The following SIPA1L1 variants were observed in gnomAD, a reference collection of about 807,000 sequenced individuals.
The protein encoded by SIPA1L1 is signal-induced proliferation-associated 1-like protein 1.
A neutral mutation model predicts 162.7 loss-of-function variants in SIPA1L1; 26 were observed. That is an observed-to-expected ratio of 0.16 (90% CI 0.12 to 0.22). SIPA1L1 has a LOEUF of 0.22. SIPA1L1 is among the 10% of genes least tolerant of loss of function. The pLI, the probability that SIPA1L1 is intolerant of heterozygous loss-of-function variation, is 1.00. For synonymous variants in SIPA1L1, 829 were observed against 837.4 expected (o/e 0.99, Z 0.17); for missense variants, 1,874 against 2,241.0 (o/e 0.84, Z 3.31).
intron 13 of SIPA1L1, among the ~76,000 whole-genome samples, chr14:71,688,364 A>G (rs2149608547): frequency 6.6e-6 from 1 of 152,286 alleles, no homozygotes; most frequent in Non-Finnish European, 1.5e-5. Flanking sequence ...AATCCAAAAC[A>G]TTTCTGGTCC....
chr14:71,359,007 G>A (rs1424848836), intron 2 of SIPA1L1, among the ~76,000 whole-genome samples: 1 of 152,114 alleles, frequency 6.6e-6, no homozygotes, highest in Non-Finnish European at 1.5e-5. Context: ...TTTGGGTGGG[G>A]ACACAGATCT....
chr14:71,529,483 C>G, intron 4 of SIPA1L1, 113 bp downstream of exon 4: 2 of 515,996 alleles, frequency 3.9e-6, no homozygotes, highest in Non-Finnish European at 7.0e-6. Context: ...TTTAAAAAAT[C>G]TACTTTTCTC....
intron 2 of SIPA1L1, among the ~76,000 whole-genome samples, chr14:71,406,671 T>C (rs1458726778): frequency 6.6e-6 from 1 of 152,240 alleles, no homozygotes; most frequent in Non-Finnish European, 1.5e-5. Context: ...TTCTTCAGTA[T>C]GTTTCAGGAT....
chr14:71,530,233 G>T (rs2053295107), intron 4 of SIPA1L1, among the ~76,000 whole-genome samples: 1 of 152,198 alleles, frequency 6.6e-6, no homozygotes, highest in African/African-American at 2.4e-5. Context: ...TAAACTGGCA[G>T]AGTGTGTTGG....
At chr14:71,396,519 AGTTC>A (rs1450676273) in intron 2 of SIPA1L1, among the ~76,000 whole-genome samples, 4 of 152,104 alleles carry the variant, frequency 2.6e-5, no homozygotes, top group African/African-American at 9.7e-5. Flanking sequence ...GTTTTTTCTC[AGTTC>A]AAGATCAGTC....
chr14:71,325,216 G>T (rs2033652346), intron 2 of SIPA1L1, among the ~76,000 whole-genome samples: 2 of 152,066 alleles, frequency 1.3e-5, no homozygotes. Context: ...GAAATCAATT[G>T]GCCTCATTGA....
intron 4 of SIPA1L1, among the ~76,000 whole-genome samples, chr14:71,547,435 A>G (rs1223395340): frequency 6.6e-6 from 1 of 151,460 alleles, no homozygotes; most frequent in African/African-American, 2.4e-5. Context: ...CTGGGATTAC[A>G]AGTGTGCACC....
chr14:71,430,061 T>G (rs528510374), intron 2 of SIPA1L1, among the ~76,000 whole-genome samples: 8 of 152,342 alleles, frequency 5.3e-5, no homozygotes, highest in African/African-American at 1.9e-4. Flanking sequence ...TAACTGCTAA[T>G]CTGTGTTCTA....
chr14:71,697,621 T>C lies in SIPA1L1; in HGVS notation c.3375-1360T>C, dbSNP rs191105749. On this transcript the variant is annotated intron_variant, in intron 13 of 23. Coordinates refer to ENST00000381232, the MANE Select transcript of SIPA1L1 (RefSeq NM_001386936.1). The stretch of plus-strand genomic sequence containing the variant: ...GCTGGTGAAAGGTGTCCAGTCAAGA[T>C]GTTTAGGAGAGAGCCGGAGACAAAC... Among the ~76,000 whole-genome samples, 67 of 152,350 alleles carry C rather than the reference T, an allele frequency of 4.4e-4. 1 individual carries two copies. In the South Asian group the frequency reaches 0.013, roughly 31 times the overall value.
intron 2 of SIPA1L1, among the ~76,000 whole-genome samples, chr14:71,505,859 C>A (rs556692447): frequency 1.3e-5 from 2 of 151,888 alleles, no homozygotes; most frequent in Non-Finnish European, 2.9e-5. Context: ...ATGAAATTAC[C>A]TTCAGGCTAT....
At chr14:71,671,942 T>TGTGTGC (rs1302058634) in intron 11 of SIPA1L1, among the ~76,000 whole-genome samples, 34 of 146,048 alleles carry the variant, frequency 2.3e-4, no homozygotes, top group Admixed American at 3.4e-4. Flanking sequence ...TGTGTGTGTG[T>TGTGTGC]GCGTTCATGT....
chr14:71,324,986 C>T (rs116636254), intron 2 of SIPA1L1, among the ~76,000 whole-genome samples: 2,624 of 152,152 alleles, frequency 0.017, 71 homozygotes, highest in African/African-American at 0.06. Flanking sequence ...GTAATCTGAG[C>T]CAGCAGAGAA....
intron 2 of SIPA1L1, among the ~76,000 whole-genome samples, chr14:71,511,596 C>G (rs1198226948): frequency 6.6e-6 from 1 of 152,140 alleles, no homozygotes; most frequent in Non-Finnish European, 1.5e-5. Flanking sequence ...GCAGGAGCAT[C>G]TTTTGTTACA....
chr14:71,625,507 C>T (rs911821855), intron 7 of SIPA1L1, among the ~76,000 whole-genome samples: 2 of 152,212 alleles, frequency 1.3e-5, no homozygotes, highest in African/African-American at 4.8e-5. Context: ...ATCCATTTCA[C>T]TTTTCATAAT....
chr14:71,635,461 GT>G (rs1438989287), intron 7 of SIPA1L1, among the ~76,000 whole-genome samples: 1 of 152,202 alleles, frequency 6.6e-6, no homozygotes, highest in Non-Finnish European at 1.5e-5. Flanking sequence ...TAATGTAAGT[GT>G]TTTATAAATG....
At chr14:71,334,564 G>A (rs1200091945) in intron 2 of SIPA1L1, among the ~76,000 whole-genome samples, 12 of 152,176 alleles carry the variant, frequency 7.9e-5, no homozygotes, top group Non-Finnish European at 1.6e-4. Context: ...TACCAGACTT[G>A]CCTCTTAATA....
chr14:71,518,822 G>A (rs1595875824), intron 3 of SIPA1L1, among the ~76,000 whole-genome samples: 1 of 152,076 alleles, frequency 6.6e-6, no homozygotes, highest in Admixed American at 6.6e-5. Context: ...AGACTGGTAA[G>A]AAAAAGAGGT....
At chr14:71,685,927 G>A (rs1218299252) in intron 13 of SIPA1L1, among the ~76,000 whole-genome samples, 5 of 152,148 alleles carry the variant, frequency 3.3e-5, no homozygotes, top group Non-Finnish European at 4.4e-5. Context: ...CTGTGGATTA[G>A]AATTTAGCAG....
At chr14:71,690,676 C>T (rs963802230) in intron 13 of SIPA1L1, among the ~76,000 whole-genome samples, 2 of 151,956 alleles carry the variant, frequency 1.3e-5, no homozygotes, top group African/African-American at 4.8e-5. Context: ...TTTTTTGTAT[C>T]GTCAGCTCTT....
Sources: gnomAD v4.1 joint callset for allele counts (sites outside exome capture counted in the v4.1 genomes callset) on GRCh38, gnomAD v4.1.1 for gene constraint, MANE v1.5 for transcripts, NCBI Gene and HGNC (gene_info 2026-07-23, HGNC 2026-07-21) for gene names.